The following RELN variants were observed in gnomAD, a reference collection of about 807,000 sequenced individuals.
RELN encodes reelin.
RELN carries 108 observed loss-of-function variants against 427.6 expected under a neutral mutation model. The ratio of observed to expected loss-of-function variants is 0.25; its 90% confidence interval spans 0.22 to 0.30. The LOEUF is 0.30. RELN is among the 10% of genes least tolerant of loss of function. The pLI, the probability that RELN is intolerant of heterozygous loss-of-function variation, is 1.00. For synonymous variants in RELN, 1,524 were observed against 1,513.4 expected (o/e 1.01, Z -0.16); for missense variants, 3,715 against 4,302.8 (o/e 0.86, Z 3.82).
intron 1 of RELN, among the ~76,000 whole-genome samples, chr7:103,924,982 GCATACACATACACACACACACA>G (rs1441572781): frequency 4.7e-5 from 2 of 42,280 alleles, no homozygotes; most frequent in Admixed American, 5.1e-4. Context: ...GTGTGCATGC[GCATACACATACACACACACACA>G]CACACACACA....
intron 3 of RELN, among the ~76,000 whole-genome samples, chr7:103,790,010 A>G (rs1005075864): frequency 4.6e-5 from 7 of 152,244 alleles, no homozygotes; most frequent in Admixed American, 3.9e-4. Context: ...AGCCATAAAA[A>G]AGAATGAGTT....
chr7:103,594,369 G>A lies in RELN; in HGVS notation c.3663C>T (p.Ser1221=), dbSNP rs199705497. Residue 1221 remains serine (S), a synonymous_variant, in exon 26 of 65, where the codon TCC becomes TCT. Coordinates refer to ENST00000428762, the MANE Select transcript of RELN (RefSeq NM_005045.4). The part of the protein sequence containing the change: ...QWAVDDIIIL[S]EKQKQIIPVI... ...CTGGGATGATCTGCTTCTGCTTCTC[G>A]GACAGAATGATGATGTCATCGACTG... 215 of 1,613,882 alleles carry A rather than the reference G, an allele frequency of 1.3e-4. No homozygotes were observed. Among genetic ancestry groups the A allele is most frequent in the Admixed American group, 2.5e-4 (15 of 60,000 alleles).
chr7:103,983,049 C>T (rs1018612642), intron 1 of RELN, among the ~76,000 whole-genome samples: 4 of 152,186 alleles, frequency 2.6e-5, no homozygotes, highest in African/African-American at 9.7e-5. Context: ...GCATTTTAAA[C>T]ATTTACTTTG....
At chr7:103,784,721 C>T (rs262354) in intron 3 of RELN, among the ~76,000 whole-genome samples, 51,260 of 151,992 alleles carry the variant, frequency 0.34, 8,648 homozygotes, top group East Asian at 0.44. Flanking sequence ...GCTTTAGGTG[C>T]TCACATTTCT....
At chr7:103,681,617 A>G (rs1833653989) in intron 11 of RELN, among the ~76,000 whole-genome samples, 2 of 152,140 alleles carry the variant, frequency 1.3e-5, no homozygotes, top group African/African-American at 4.8e-5. Context: ...CAATGCTCAC[A>G]GCTTCAGGTC....
intron 8 of RELN, among the ~76,000 whole-genome samples, chr7:103,716,737 A>T (rs1789948105): frequency 6.6e-6 from 1 of 152,200 alleles, no homozygotes; most frequent in African/African-American, 2.4e-5. Flanking sequence ...GCCCTCAAGG[A>T]ATATTTAAGT....
intron 2 of RELN, among the ~76,000 whole-genome samples, chr7:103,865,781 T>C (rs907379616): frequency 6.6e-6 from 1 of 152,132 alleles, no homozygotes; most frequent in Non-Finnish European, 1.5e-5. Context: ...AAAAAGCCCA[T>C]AACTAACATC....
chr7:103,948,875 C>A (rs539399096), intron 1 of RELN, among the ~76,000 whole-genome samples: 1 of 151,418 alleles, frequency 6.6e-6, no homozygotes, highest in Non-Finnish European at 1.5e-5. Context: ...ATTAGCCAGG[C>A]GTGGTGGTGC....
At chr7:103,882,752 A>T (rs1794637149) in intron 2 of RELN, among the ~76,000 whole-genome samples, 1 of 152,228 alleles carries the variant, frequency 6.6e-6, no homozygotes, top group Non-Finnish European at 1.5e-5. Flanking sequence ...GAGAAGTTGA[A>T]TCCCTGAACA....
chr7:103,873,105 A>G (rs1334629641), intron 2 of RELN, among the ~76,000 whole-genome samples: 1 of 151,728 alleles, frequency 6.6e-6, no homozygotes, highest in Non-Finnish European at 1.5e-5. Flanking sequence ...CTGAATGACT[A>G]CTGGGTACAT....
intron 2 of RELN, among the ~76,000 whole-genome samples, chr7:103,914,927 A>G (rs1795451666): frequency 6.6e-6 from 1 of 152,144 alleles, no homozygotes; most frequent in African/African-American, 2.4e-5. Flanking sequence ...CTGACCTCAG[A>G]GTGATCTCTT....
At chr7:103,879,191 A>C (rs2237640) in intron 2 of RELN, among the ~76,000 whole-genome samples, 24,038 of 152,104 alleles carry the variant, frequency 0.16, 2,192 homozygotes, top group East Asian at 0.43. Context: ...TTGGGTAGGT[A>C]ACTCAAACTC....
At chr7:103,870,424 C>T (rs1794303080) in intron 2 of RELN, among the ~76,000 whole-genome samples, 1 of 151,786 alleles carries the variant, frequency 6.6e-6, no homozygotes, top group African/African-American at 2.4e-5. Context: ...CTTGTGTGAG[C>T]TCTGCTTTAT....
chr7:103,496,606 C>T lies in RELN; in HGVS notation c.9113G>A (p.Arg3038His), dbSNP rs1828848847. The T allele has an allele frequency of 6.8e-6, 11 of 1,614,054 alleles. No homozygotes were observed. Among genetic ancestry groups the T allele is most frequent in the African/African-American group, 5.3e-5 (4 of 74,912 alleles). Residue 3038 changes from arginine (R) to histidine (H), a missense_variant, in exon 56 of 65, where the codon CGT becomes CAT. Arg to His is a conservative substitution (Grantham distance 29). This residue lies in a region of RELN where 1,310 missense variants were observed against 1,643.0 expected (regional missense o/e 0.80). Transcript: ENST00000428762. ...SNGIVVSGVERAQWALDNILI... is the reference protein window; with the variant it reads ...SNGIVVSGVEHAQWALDNILI... ...AATGTTGTCCAGTGCCCACTGAGCA[C>T]GCTCCACCCCAGAGACCACAATTCC...
chr7:103,511,719 G>A (rs2117065595), intron 50 of RELN, among the ~76,000 whole-genome samples: 1 of 152,064 alleles, frequency 6.6e-6, no homozygotes, highest in South Asian at 2.1e-4. Context: ...ATTAGCTGGA[G>A]TGGTGGTGCA....
chr7:103,750,588 TA>T (rs1790973621), intron 5 of RELN, among the ~76,000 whole-genome samples: 1 of 152,224 alleles, frequency 6.6e-6, no homozygotes, highest in Non-Finnish European at 1.5e-5. Flanking sequence ...TGGAATTGGA[TA>T]GAACATTCTG....
chr7:103,603,264 A>C lies in RELN; in HGVS notation c.3333+40T>G. 6.7e-7 allele frequency: 1 copy of C among 1,493,672 alleles called. No homozygotes were observed. 92.5% of individuals were successfully genotyped at this position (1,493,672 alleles called of 1,614,324 possible). ...GGAATTCAGAGTCTCATATTAAACT[A>C]GCCATTGCCCCGATGACTTATCCCA... On this transcript the variant is annotated intron_variant, in intron 24 of 64. Coordinates refer to ENST00000428762, the MANE Select transcript of RELN (RefSeq NM_005045.4). This position sits in a 1 kb window ranked among gnomAD's most constrained non-coding sequence, Gnocchi z 4.3.
rs1382007125 is a variant in RELN at position 103,569,570 on chromosome 7, A to T, written c.4588+2614T>A. The stretch of plus-strand genomic sequence containing the variant: ...TCAGGTGAACATTAAATTATAAGAA[A>T]CATGGCTCAGGAGGTACATACTTCA... On this transcript the variant is annotated intron_variant, in intron 31 of 64. Transcript: ENST00000428762. This position sits in a 1 kb window ranked among gnomAD's most constrained non-coding sequence, Gnocchi z 4.0. 6.6e-6 allele frequency among the ~76,000 whole-genome samples: 1 copy of T among 152,214 alleles called. No homozygotes were observed. The highest frequency in any genetic ancestry group is 1.9e-4 in the East Asian group (1 of 5,204).
intron 3 of RELN, among the ~76,000 whole-genome samples, chr7:103,777,187 T>C (rs1791766086): frequency 1.3e-5 from 2 of 152,194 alleles, no homozygotes; most frequent in East Asian, 1.9e-4. Flanking sequence ...GTATATCTTT[T>C]ACTTCTTCCA....
Sources: gnomAD v4.1 joint callset for allele counts (sites outside exome capture counted in the v4.1 genomes callset) on GRCh38, gnomAD v4.1.1 for gene constraint, gnomAD v4.1.1 regional missense constraint, Gnocchi (gnomAD v3.1) non-coding constraint, MANE v1.5 for transcripts, NCBI Gene and HGNC (gene_info 2026-07-23, HGNC 2026-07-21) for gene names.